The following TANC1 variants were observed in gnomAD, a reference collection of about 807,000 sequenced individuals.
TANC1 encodes protein TANC1.
A neutral mutation model predicts 149.7 loss-of-function variants in TANC1; 77 were observed. The observed-to-expected ratio is 0.51, with a 90% confidence interval of 0.43 to 0.62. TANC1 has a LOEUF of 0.62. Among genes scored for constraint, TANC1 ranks in the 20% least tolerant of loss-of-function variants. TANC1 has a pLI of 0.00. For synonymous variants in TANC1, 854 were observed against 925.0 expected (o/e 0.92, Z 1.39); for missense variants, 1,985 against 2,321.8 (o/e 0.85, Z 2.98).
intron 1 of TANC1, among the ~76,000 whole-genome samples, chr2:158,982,957 G>T (rs1026531963): frequency 6.6e-6 from 1 of 152,044 alleles, no homozygotes; most frequent in Admixed American, 6.6e-5. Context: ...TGGATCAGTT[G>T]TTAAATTGAA....
At chr2:159,159,035 T>G (rs2053725655) in intron 7 of TANC1, among the ~76,000 whole-genome samples, 1 of 152,218 alleles carries the variant, frequency 6.6e-6, no homozygotes, top group Admixed American at 6.5e-5. Flanking sequence ...ACAGTTAGCT[T>G]TCTTCTTGAT....
At chr2:159,074,556 C>G (rs920723984) in intron 3 of TANC1, among the ~76,000 whole-genome samples, 8 of 152,116 alleles carry the variant, frequency 5.3e-5, no homozygotes, top group Admixed American at 2.0e-4. Context: ...ATTTCACTTG[C>G]CAAAATTAAG....
At chr2:159,098,797 A>C (rs536065433) in intron 4 of TANC1, among the ~76,000 whole-genome samples, 1 of 152,270 alleles carries the variant, frequency 6.6e-6, no homozygotes, top group South Asian at 2.1e-4. Flanking sequence ...GCCTTTCTAA[A>C]ATGCTGATAC....
At chr2:159,208,198 A>G (rs572475756) in intron 19 of TANC1, among the ~76,000 whole-genome samples, 1 of 152,312 alleles carries the variant, frequency 6.6e-6, no homozygotes, top group Non-Finnish European at 1.5e-5. Flanking sequence ...AATGCTATGT[A>G]TTGTCAGGGT....
chr2:159,127,944 A>G (rs928790285), intron 4 of TANC1, among the ~76,000 whole-genome samples: 5 of 152,234 alleles, frequency 3.3e-5, no homozygotes, highest in African/African-American at 1.2e-4. Context: ...CATCCTCACA[A>G]TGTCTTAGGC....
chr2:159,231,078 G>T lies in TANC1; in HGVS notation c.*66G>T. 2.3e-6 allele frequency: 3 copies of T among 1,291,360 alleles called. No individual in the cohort carries two copies. Among genetic ancestry groups the T allele is most frequent in the Non-Finnish European group, 3.2e-6 (3 of 943,728 alleles). The allele number at this position is 1,291,360 out of a possible 1,614,324, so 80.0% of individuals were successfully genotyped here. On this transcript the variant is annotated 3_prime_UTR_variant, in exon 27 of 27. Coordinates refer to ENST00000263635, the MANE Select transcript of TANC1 (RefSeq NM_033394.3). Reference sequence around the variant, plus strand: ...TTGACTCCTGGTGGTAAATTAAATAGTTTTTTTCATCAGAAAAATTATTTT... The same window carrying T: ...TTGACTCCTGGTGGTAAATTAAATATTTTTTTTCATCAGAAAAATTATTTT...
intron 19 of TANC1, among the ~76,000 whole-genome samples, chr2:159,200,855 C>G (rs1243793412): frequency 6.6e-6 from 1 of 152,154 alleles, no homozygotes; most frequent in Non-Finnish European, 1.5e-5. Context: ...TGTAGTTGTC[C>G]CTTGGGTCTT....
rs771719389 is a variant in TANC1 at position 159,180,948 on chromosome 2, G to C, written c.2510+1785G>C. Among the ~76,000 whole-genome samples the C allele has an allele frequency of 3.9e-5, 6 of 152,248 alleles. No homozygotes were observed. In the South Asian group the frequency reaches 1.2e-3, roughly 32 times the overall value. On this transcript the variant is annotated intron_variant, in intron 14 of 26. Transcript: ENST00000263635. ...CTCCCAGCGTAAGTAAAGGGGCCTGGGGAGGTGATTTTAAAACATGGTGAT... is the reference window on the plus strand; with the variant it reads ...CTCCCAGCGTAAGTAAAGGGGCCTGCGGAGGTGATTTTAAAACATGGTGAT...
At chr2:159,130,528 T>G (rs942232124) in intron 4 of TANC1, among the ~76,000 whole-genome samples, 1 of 152,110 alleles carries the variant, frequency 6.6e-6, no homozygotes, top group African/African-American at 2.4e-5. Flanking sequence ...TGTGGTTTAA[T>G]AGGTGGTCAT....
chr2:159,200,387 A>G (rs2058159972), intron 19 of TANC1, among the ~76,000 whole-genome samples: 2 of 152,250 alleles, frequency 1.3e-5, no homozygotes, highest in South Asian at 2.1e-4. Context: ...AGAGCTGTCT[A>G]GAAAGCCTGA....
chr2:159,152,358 C>A (rs1574983000), intron 7 of TANC1, among the ~76,000 whole-genome samples: 1 of 152,062 alleles, frequency 6.6e-6, no homozygotes, highest in South Asian at 2.1e-4. Flanking sequence ...TTGTCTCCTG[C>A]AGATAGTTTA....
chr2:159,202,594 C>T (rs561335951), intron 19 of TANC1, among the ~76,000 whole-genome samples: 1 of 152,272 alleles, frequency 6.6e-6, no homozygotes, highest in East Asian at 1.9e-4. Flanking sequence ...ATCCTCCCCA[C>T]CCTCAAACAA....
At chr2:158,989,187 G>A (rs566718194) in intron 1 of TANC1, among the ~76,000 whole-genome samples, 2 of 152,178 alleles carry the variant, frequency 1.3e-5, no homozygotes, top group Non-Finnish European at 2.9e-5. Context: ...TGTGGATGCT[G>A]TTGGCAGAAT....
chr2:159,230,217 T>C lies in TANC1; in HGVS notation c.4791T>C (p.Phe1597=), dbSNP rs764988730. 10 of 1,613,958 alleles carry C rather than the reference T, an allele frequency of 6.2e-6. No homozygotes were observed. In the South Asian group the frequency reaches 6.6e-5, roughly 11 times the overall value. Reference sequence around the variant, plus strand: ...CTACAAGAGCTGGTTGTGGCCACTTTGGGGATCGGCTGGGCCCCAGCCAGA... The same window carrying C: ...CTACAAGAGCTGGTTGTGGCCACTTCGGGGATCGGCTGGGCCCCAGCCAGA... The part of the protein sequence containing the change: ...TFTTRAGCGH[F]GDRLGPSQNV... The change falls in exon 27 of 27, where the codon TTT becomes TTC. Residue 1597 remains phenylalanine (F), a synonymous_variant. Transcript: ENST00000263635. This position sits in a 1 kb window ranked among gnomAD's most constrained non-coding sequence, Gnocchi z 4.4.
chr2:159,026,699 C>T (rs1004922095), intron 2 of TANC1, among the ~76,000 whole-genome samples: 1 of 152,014 alleles, frequency 6.6e-6, no homozygotes, highest in African/African-American at 2.4e-5. Flanking sequence ...CTGCTTGTAC[C>T]TTCTGGAGTG....
At chr2:159,014,075 AG>A (rs1253333688) in intron 2 of TANC1, among the ~76,000 whole-genome samples, 1 of 152,220 alleles carries the variant, frequency 6.6e-6, no homozygotes, top group Admixed American at 6.5e-5. Context: ...CTCTGTATAA[AG>A]AATCTATCTC....
intron 11 of TANC1, among the ~76,000 whole-genome samples, chr2:159,173,325 G>A (rs1042483378): frequency 6.6e-6 from 1 of 151,982 alleles, no homozygotes; most frequent in Admixed American, 6.6e-5. Context: ...TTTCAAGGCC[G>A]GGCCTGGCGG....
intron 19 of TANC1, among the ~76,000 whole-genome samples, chr2:159,205,416 T>C (rs1036977557): frequency 3.3e-5 from 5 of 152,238 alleles, no homozygotes; most frequent in Non-Finnish European, 2.9e-5. Flanking sequence ...TGCAGTCACA[T>C]ATACAGCCAT....
At chr2:159,132,386 G>C (rs778186689) in intron 4 of TANC1, among the ~76,000 whole-genome samples, 4 of 152,136 alleles carry the variant, frequency 2.6e-5, no homozygotes, top group Non-Finnish European at 4.4e-5. Context: ...TTTTCCCCTT[G>C]TAGCAAGAGG....
Sources: allele counts gnomAD v4.1 joint callset (sites outside exome capture counted in the v4.1 genomes callset), GRCh38; gene constraint gnomAD v4.1.1; non-coding constraint Gnocchi (gnomAD v3.1); transcripts MANE v1.5; gene names NCBI Gene and HGNC (gene_info 2026-07-23, HGNC 2026-07-21).